The following RELCH variants were observed in gnomAD, a reference collection of about 807,000 sequenced individuals.
RELCH encodes RAB11 binding and LisH domain, coiled-coil and HEAT repeat containing.
RELCH carries 41 observed loss-of-function variants against 150.3 expected under a neutral mutation model. The ratio of observed to expected loss-of-function variants is 0.27; its 90% confidence interval spans 0.21 to 0.35. RELCH has a LOEUF of 0.35. Ranked by LOEUF, RELCH falls within the 10% of genes least tolerant of loss-of-function variation. The probability of loss-of-function intolerance (pLI) is 1.00; values close to 1 mark genes in which losing one functional copy is unlikely to be tolerated. For missense variants in RELCH, 1,092 were observed against 1,467.8 expected, an observed-to-expected ratio of 0.74 and a Z score of 4.18; for synonymous variants, 478 against 531.8, an observed-to-expected ratio of 0.90 and a Z score of 1.39.
chr18:62,273,296 T>C (rs1255189338), intron 20 of RELCH, among the ~76,000 whole-genome samples: 1 of 152,068 alleles, frequency 6.6e-6, no homozygotes, highest in Non-Finnish European at 1.5e-5. Context: ...AATAGTTCGT[T>C]GAAAAAAGTT....
Position 62,244,745 on chromosome 18 carries a change from C to T in RELCH, c.1621-19C>T. 6.7e-7 allele frequency: 1 copy of T among 1,496,108 alleles called. No homozygotes were observed. The highest frequency in any genetic ancestry group is 9.3e-7 in the Non-Finnish European group (1 of 1,074,574). The allele number at this position is 1,496,108 out of a possible 1,614,324, so 92.7% of individuals were successfully genotyped here. A position where few individuals can be genotyped will look rare whatever the true frequency, so the allele number is the denominator to read the frequency against. On this transcript the variant is annotated intron_variant, in intron 10 of 28. Coordinates refer to ENST00000644646, the MANE Select transcript of RELCH (RefSeq NM_001346231.2). ...CAATGTGTTTTTATTTGAATTTTTC[C>T]ACCCTCGTATTTCTTTAGGAGTTGA...
chr18:62,280,531 G>T (rs947478123), intron 23 of RELCH, 115 bp from the exon 24 acceptor site: 21 of 1,345,008 alleles, frequency 1.6e-5, no homozygotes, highest in South Asian at 2.4e-5. Flanking sequence ...TATTTAATTT[G>T]TCATTGCTAG....
At chr18:62,291,657 A>G (rs760661337) in intron 27 of RELCH, 26 bp downstream of exon 27, 1 of 1,468,126 alleles carries the variant, frequency 6.8e-7, no homozygotes, top group Non-Finnish European at 9.5e-7. Context: ...TACCAGTGCC[A>G]TATTCATGTT....
At chr18:62,214,525 C>A (rs1402131394) in intron 2 of RELCH, among the ~76,000 whole-genome samples, 3 of 152,162 alleles carry the variant, frequency 2.0e-5, no homozygotes, top group African/African-American at 7.2e-5. Context: ...CAGAAGTGGT[C>A]CTACTCCCAC....
chr18:62,287,310 T>C lies in RELCH; in HGVS notation c.3254-41T>C, dbSNP rs780360341. ...AAAGTGTGTCAGGGTTTTGTATGCATGTTTTGGGTAAAAATTTAACCCTTT... is the reference window on the plus strand; with the variant it reads ...AAAGTGTGTCAGGGTTTTGTATGCACGTTTTGGGTAAAAATTTAACCCTTT... On this transcript the variant is annotated intron_variant, in intron 25 of 28. Transcript: ENST00000644646. 4.4e-6 allele frequency: 4 copies of C among 910,670 alleles called. No individual in the cohort carries two copies. The African/African-American group carries it at 6.6e-5, about 15-fold the overall frequency. 56.4% of individuals were successfully genotyped at this position (910,670 alleles called of 1,614,324 possible). A position where few individuals can be genotyped will look rare whatever the true frequency, so the allele number is the denominator to read the frequency against.
chr18:62,196,760 A>G (rs928206250), intron 1 of RELCH, among the ~76,000 whole-genome samples: 2 of 152,212 alleles, frequency 1.3e-5, no homozygotes, highest in African/African-American at 4.8e-5. Flanking sequence ...CGATATATTT[A>G]TTAAACATTG....
rs1016980639 is a variant in RELCH, at chr18:62,305,797, T to A, written c.*263T>A. The stretch of plus-strand genomic sequence containing the variant: ...TGTTCTTGTCTTTCAGAATAATTTT[T>A]ATATAAATATATATATAGTGAAGAA... On this transcript the variant is annotated 3_prime_UTR_variant, in exon 29 of 29. Transcript: ENST00000644646. This position sits in a 1 kb window ranked among gnomAD's most constrained non-coding sequence, Gnocchi z 4.0. 105 of 174,906 alleles carry A rather than the reference T, an allele frequency of 6.0e-4. No homozygotes were observed. Among genetic ancestry groups the A allele is most frequent in the African/African-American group, 2.4e-3 (101 of 42,304 alleles). 10.8% of individuals were successfully genotyped at this position (174,906 alleles called of 1,614,324 possible). A position where few individuals can be genotyped will look rare whatever the true frequency, so the allele number is the denominator to read the frequency against.
intron 5 of RELCH, among the ~76,000 whole-genome samples, chr18:62,223,052 C>A (rs1255329436): frequency 6.6e-6 from 1 of 151,842 alleles, no homozygotes; most frequent in Non-Finnish European, 1.5e-5. Context: ...TCAGTGAAAT[C>A]AGGCTCTGCC....
intron 19 of RELCH, among the ~76,000 whole-genome samples, chr18:62,267,434 A>ATGTGTCTG (rs2043627121): frequency 7.0e-6 from 1 of 143,430 alleles, no homozygotes; most frequent in Non-Finnish European, 1.5e-5. Flanking sequence ...GTATATATGT[A>ATGTGTCTG]TGTGTGTGTG....
chr18:62,232,409 G>A lies in RELCH; in HGVS notation c.1602G>A (p.Val534=). Residue 534 remains valine, a synonymous_variant, in exon 10 of 29, where the codon GTG becomes GTA. Coordinates refer to ENST00000644646, the MANE Select transcript of RELCH (RefSeq NM_001346231.2). ...GCCTGCCACACATTGTTCCCAATGT[G>A]CTATTGGCAAAGAGAGAGGTAAGAC... The part of the protein sequence containing the change: ...GRCLPHIVPN[V]LLAKREELIP... The A allele has an allele frequency of 6.2e-7, 1 of 1,608,268 alleles. No individual in the cohort carries two copies. Among genetic ancestry groups the A allele is most frequent in the Non-Finnish European group, 8.5e-7 (1 of 1,175,392 alleles).
At chr18:62,210,804 G>T (rs897450643) in intron 1 of RELCH, among the ~76,000 whole-genome samples, 1 of 152,154 alleles carries the variant, frequency 6.6e-6, no homozygotes. Context: ...AGGCCGTGAA[G>T]ACTGGATTCT....
intron 27 of RELCH, among the ~76,000 whole-genome samples, chr18:62,293,301 G>C (rs938337145): frequency 7.2e-5 from 11 of 152,300 alleles, no homozygotes; most frequent in Admixed American, 2.0e-4. Flanking sequence ...AGTTGAGGGG[G>C]CTGGCAAGTC....
At chr18:62,266,674 T>C (rs1338100005) in intron 18 of RELCH, 27 bp from the exon 19 acceptor site, 1 of 1,553,618 alleles carries the variant, frequency 6.4e-7, no homozygotes, top group Non-Finnish European at 8.8e-7. Flanking sequence ...CCTGAGACTT[T>C]TTGAATCTTC....
intron 9 of RELCH, among the ~76,000 whole-genome samples, 154 bp from the exon 10 acceptor site, chr18:62,232,178 C>CTGTTGTTGT (rs536910477): frequency 1.3e-5 from 2 of 149,746 alleles, no homozygotes; most frequent in South Asian, 2.1e-4. Context: ...GCTGCTGCTG[C>CTGTTGTTGT]TGTTGTTGTT....
Position 62,306,687 on chromosome 18 carries a change from G to A in RELCH, c.*1153G>A, listed in dbSNP as rs1600321110. On this transcript the variant is annotated 3_prime_UTR_variant, in exon 29 of 29. Transcript: ENST00000644646. Reference sequence around the variant, plus strand: ...ATTTGACAGTTGTCTCTACAGTCATGCAACTCGAAGTAGAAAAGAGTGCTG... The same window carrying A: ...ATTTGACAGTTGTCTCTACAGTCATACAACTCGAAGTAGAAAAGAGTGCTG... The A allele has an allele frequency of 6.6e-6, 1 of 152,654 alleles. No homozygotes were observed. The highest frequency in any genetic ancestry group is 1.9e-4 in the East Asian group (1 of 5,204). The allele number at this position is 152,654 out of a possible 1,614,324, so 9.5% of individuals were successfully genotyped here.
chr18:62,262,642 A>G (rs1293891104), intron 16 of RELCH, among the ~76,000 whole-genome samples: 5 of 152,048 alleles, frequency 3.3e-5, no homozygotes, highest in Non-Finnish European at 7.4e-5. Context: ...CAGACTTTAG[A>G]TAAGACTTCA....
intron 27 of RELCH, among the ~76,000 whole-genome samples, chr18:62,294,575 A>G (rs889369852): frequency 1.3e-5 from 2 of 152,194 alleles, no homozygotes; most frequent in African/African-American, 4.8e-5. Context: ...TATCTGGAAT[A>G]TACCAATACT....
intron 20 of RELCH, chr18:62,269,506 C>T (rs987717167): frequency 3.5e-6 from 1 of 282,572 alleles, no homozygotes; most frequent in Non-Finnish European, 7.5e-6. Flanking sequence ...ATACACATAG[C>T]CTGAAGGTAA....
chr18:62,212,066 A>C (rs2040205984), intron 2 of RELCH, among the ~76,000 whole-genome samples: 1 of 152,094 alleles, frequency 6.6e-6, no homozygotes. Flanking sequence ...TCTCTCCCAT[A>C]CCAGTCTTGC....
Sources: gnomAD v4.1 joint callset for allele counts (sites outside exome capture counted in the v4.1 genomes callset) on GRCh38, gnomAD v4.1.1 for gene constraint, Gnocchi (gnomAD v3.1) non-coding constraint, MANE v1.5 for transcripts, NCBI Gene and HGNC (gene_info 2026-07-23, HGNC 2026-07-21) for gene names.